Variants in ADGRB1 observed in about 807,000 individuals in gnomAD.
ADGRB1 encodes the protein brain-specific angiogenesis inhibitor 1.
ADGRB1 carries 36 observed loss-of-function variants against 175.7 expected under a neutral mutation model. That is an observed-to-expected ratio of 0.20 (90% CI 0.16 to 0.27). The LOEUF is 0.27. Ranked by LOEUF, ADGRB1 falls within the 10% of genes least tolerant of loss-of-function variation. The probability of loss-of-function intolerance (pLI) is 1.00; values close to 1 mark genes in which losing one functional copy is unlikely to be tolerated. For missense variants in ADGRB1, 1,731 were observed against 2,255.3 expected (o/e 0.77, Z 4.71); for synonymous variants, 1,054 against 979.4 (o/e 1.08, Z -1.42).
At chr8:142,530,512 C>T (rs775758535) in intron 24 of ADGRB1, among the ~76,000 whole-genome samples, 11 of 152,144 alleles carry the variant, frequency 7.2e-5, no homozygotes, top group Non-Finnish European at 1.6e-4. Flanking sequence ...CTGAGCCAGG[C>T]ACTAGGGGTC....
At chr8:142,460,418 T>C (rs1839912541) in intron 1 of ADGRB1, among the ~76,000 whole-genome samples, 1 of 152,182 alleles carries the variant, frequency 6.6e-6, no homozygotes, top group Non-Finnish European at 1.5e-5. Flanking sequence ...TCATATCAGC[T>C]GGGCCGGCCT....
At chr8:142,453,326 C>T (rs1314047036) in intron 1 of ADGRB1, among the ~76,000 whole-genome samples, 1 of 152,236 alleles carries the variant, frequency 6.6e-6, no homozygotes, top group Non-Finnish European at 1.5e-5. Context: ...TTTAGTCAAA[C>T]CCCGTTTTAC....
chr8:142,525,614 A>G (rs925024358), intron 23 of ADGRB1, among the ~76,000 whole-genome samples: 3 of 152,062 alleles, frequency 2.0e-5, no homozygotes, highest in African/African-American at 7.2e-5. Context: ...GTGTCTGGGA[A>G]CTCTGCATCC....
intron 2 of ADGRB1, 60 bp downstream of exon 2, chr8:142,465,042 A>T: frequency 1.7e-5 from 11 of 657,670 alleles, no homozygotes; most frequent in East Asian, 6.2e-5. Context: ...GGAGGCGGGC[A>T]GACAGGGGAG....
At position 142,493,634 on chromosome 8, in the gene ADGRB1, G is replaced by C. The variant is rs1330919910; in HGVS notation, c.2675+2819G>C. Among the ~76,000 whole-genome samples, 1 of 152,220 alleles carries C rather than the reference G, an allele frequency of 6.6e-6. No homozygotes were observed. The highest frequency in any genetic ancestry group is 6.5e-5 in the Admixed American group (1 of 15,286). On this transcript the variant is annotated intron_variant, in intron 17 of 30. Transcript: ENST00000517894. The surrounding 1 kb of genome is among the most constrained non-coding windows in gnomAD (Gnocchi z 5.0). ...GCCTCTTGGGTCCTTGACCCTGCCCGGCAGCCAGGCCACGCTGCACACCTG... is the reference window on the plus strand; with the variant it reads ...GCCTCTTGGGTCCTTGACCCTGCCCCGCAGCCAGGCCACGCTGCACACCTG...
In ADGRB1 at chr8:142,537,686, C is replaced by T. The variant is rs992130351; in HGVS notation, c.3666+604C>T. Among the ~76,000 whole-genome samples, 1 of 152,110 alleles carries T rather than the reference C, an allele frequency of 6.6e-6. No individual in the cohort carries two copies. Among genetic ancestry groups the T allele is most frequent in the Non-Finnish European group, 1.5e-5 (1 of 68,002 alleles). On this transcript the variant is annotated intron_variant, in intron 26 of 30. Transcript: ENST00000517894. This position sits in a 1 kb window ranked among gnomAD's most constrained non-coding sequence, Gnocchi z 4.6. ...GGTGTCCTCAGCGGTGTGTTCTGCACCCCCCGCCCCTGCCTGTGCCTGCGC... is the reference window on the plus strand; with the variant it reads ...GGTGTCCTCAGCGGTGTGTTCTGCATCCCCCGCCCCTGCCTGTGCCTGCGC...
intron 18 of ADGRB1, 120 bp from the exon 19 acceptor site, chr8:142,518,018 G>C (rs1357201331): frequency 2.3e-6 from 2 of 859,372 alleles, no homozygotes; most frequent in African/African-American, 1.7e-5. Flanking sequence ...TGGAGGAGGG[G>C]CTGGGCCAAA....
intron 18 of ADGRB1, among the ~76,000 whole-genome samples, chr8:142,516,373 AGGTGCGTGCG>A (rs1316038504): frequency 1.4e-4 from 16 of 113,328 alleles, no homozygotes; most frequent in African/African-American, 3.6e-4. Context: ...TGCGGGCCCC[AGGTGCGTGCG>A]TCTGTGTGGG....
chr8:142,480,229 T>G (rs1338761270), intron 9 of ADGRB1, among the ~76,000 whole-genome samples: 1 of 152,176 alleles, frequency 6.6e-6, no homozygotes, highest in South Asian at 2.1e-4. Context: ...TTGCTCCTCC[T>G]TTTTGAAGGA....
Position 142,488,393 on chromosome 8 carries a change from G to A in ADGRB1, c.2338G>A (p.Gly780Arg), listed in dbSNP as rs1471376301. The A allele has an allele frequency of 8.1e-6, 13 of 1,613,222 alleles. No individual in the cohort carries two copies. The highest frequency in any genetic ancestry group is 1.0e-5 in the Non-Finnish European group (12 of 1,179,826). The change falls in exon 14 of 31, where the codon GGA becomes AGA. Residue 780 changes from glycine to arginine, a missense_variant. Physicochemically the swap from Gly to Arg is moderately radical, Grantham distance 125. Transcript: ENST00000517894. ...VLSIHKLPAS[G>R]ATDISFPMKG... is the part of the protein sequence containing the mutation. ...CAGCATCCATAAGCTCCCAGCCAGCGGAGCCACTGACATCAGCTTCCCCAT... is the reference window on the plus strand; with the variant it reads ...CAGCATCCATAAGCTCCCAGCCAGCAGAGCCACTGACATCAGCTTCCCCAT...
intron 4 of ADGRB1, 22 bp downstream of exon 4, chr8:142,476,717 G>T: frequency 6.5e-7 from 1 of 1,536,066 alleles, no homozygotes; most frequent in South Asian, 1.2e-5. Context: ...GGAGGGGGGT[G>T]GGTGGGACTA....
rs1004075308 is a variant in ADGRB1 at position 142,511,438 on chromosome 8, G to A, written c.2817+365G>A. 3.3e-5 allele frequency among the ~76,000 whole-genome samples: 5 copies of A among 152,106 alleles called. No homozygotes were observed. Among genetic ancestry groups the A allele is most frequent in the African/African-American group, 1.2e-4 (5 of 41,434 alleles). The stretch of plus-strand genomic sequence containing the variant: ...GCTGGGAGGCGTCGCCTGTGGAGGG[G>A]CTACCCTTTCCCTTGGTCCTCTCCG... On this transcript the variant is annotated intron_variant, in intron 18 of 30. Transcript: ENST00000517894. The surrounding 1 kb of genome is among the most constrained non-coding windows in gnomAD (Gnocchi z 4.5).
rs778032882 is a variant in ADGRB1, at chr8:142,543,653, G to A, written c.4502G>A (p.Arg1501Gln). 22 of 1,569,442 alleles carry A rather than the reference G, an allele frequency of 1.4e-5. No homozygotes were observed. Among genetic ancestry groups the A allele is most frequent in the East Asian group, 9.5e-5 (4 of 42,144 alleles). The change falls in exon 30 of 31, where the codon CGG (arginine) becomes CAG (glutamine). Residue 1501 changes from arginine (R) to glutamine (Q), a missense_variant. Around this residue, in one of 8 missense-constraint regions of ADGRB1, gnomAD observed 394 missense variants for 410.2 expected, o/e 0.96. Coordinates refer to ENST00000517894, the MANE Select transcript of ADGRB1 (RefSeq NM_001702.3). The surrounding 1 kb of genome is among the most constrained non-coding windows in gnomAD (Gnocchi z 4.4). ...CAAGACATGTTCCAGGACCTGAACC[G>A]GAAGCTGCAGCACGCAGCGGAGAAG... Reference protein sequence around the residue: ...RHQDMFQDLNRKLQHAAEKDK... With the variant: ...RHQDMFQDLNQKLQHAAEKDK...
Position 142,520,774 on chromosome 8 carries a change from A to C in ADGRB1, c.2922-49A>C, listed in dbSNP as rs772318617. The C allele has an allele frequency of 3.9e-6, 6 of 1,523,668 alleles. No homozygotes were observed. In the African/African-American group the frequency reaches 8.2e-5, roughly 21 times the overall value. The allele number at this position is 1,523,668 out of a possible 1,614,324, so 94.4% of individuals were successfully genotyped here. ...TGCCACAGGACCACAGCCCCTGTGC[A>C]GATGGGGTTCTGTTGGGTGCTGACC... On this transcript the variant is annotated intron_variant, in intron 19 of 30. Transcript: ENST00000517894.
At chr8:142,468,204 G>A (rs1310788782) in intron 2 of ADGRB1, among the ~76,000 whole-genome samples, 1 of 151,074 alleles carries the variant, frequency 6.6e-6, no homozygotes, top group East Asian at 1.9e-4. Context: ...ATGTAAGTGT[G>A]GGTGCGTGTG....
intron 17 of ADGRB1, among the ~76,000 whole-genome samples, chr8:142,496,503 G>A (rs923348827): frequency 7.9e-5 from 12 of 152,182 alleles, no homozygotes; most frequent in African/African-American, 2.9e-4. Flanking sequence ...GTTGATGGAG[G>A]CCAGTAGCAC....
At chr8:142,520,255 GA>G in intron 19 of ADGRB1, among the ~76,000 whole-genome samples, 1 of 130,246 alleles carries the variant, frequency 7.7e-6, no homozygotes, top group Middle Eastern at 4.5e-3. Context: ...TGGTGGTGGT[GA>G]TGATGGTGAT....
rs1587378966 is a variant in ADGRB1, at chr8:142,511,655, C to T, written c.2817+582C>T. On this transcript the variant is annotated intron_variant, in intron 18 of 30. Transcript: ENST00000517894. This position sits in a 1 kb window ranked among gnomAD's most constrained non-coding sequence, Gnocchi z 4.5. ...TTCCTGTGATTCCTGTGGGGGCTGC[C>T]GGTTTCTATGGAGACGGCATCTGGG... Among the ~76,000 whole-genome samples the T allele has an allele frequency of 6.6e-6, 1 of 152,100 alleles. No individual in the cohort carries two copies. The highest frequency in any genetic ancestry group is 2.4e-5 in the African/African-American group (1 of 41,432).
intron 15 of ADGRB1, 41 bp downstream of exon 15, chr8:142,489,151 G>T: frequency 6.4e-7 from 1 of 1,570,486 alleles, no homozygotes. Context: ...GTGCAGGGCA[G>T]GTGGGGTGGG....
Sources: allele counts gnomAD v4.1 joint callset (sites outside exome capture counted in the v4.1 genomes callset), GRCh38; gene constraint gnomAD v4.1.1; regional missense constraint gnomAD v4.1.1; non-coding constraint Gnocchi (gnomAD v3.1); transcripts MANE v1.5; gene names NCBI Gene and HGNC (gene_info 2026-07-23, HGNC 2026-07-21).